The following NIPAL2 variants were observed in gnomAD, a reference collection of about 807,000 sequenced individuals.
NIPAL2 encodes NIPA like domain containing 2, also known as NIPA-like protein 2.
A neutral mutation model predicts 48.9 loss-of-function variants in NIPAL2; 43 were observed. That is an observed-to-expected ratio of 0.88 (90% confidence interval 0.69 to 1.13). NIPAL2 has a LOEUF of 1.13. Ranked by LOEUF, NIPAL2 falls within the 50% of genes most tolerant of loss-of-function variation. The probability of loss-of-function intolerance (pLI) is 0.00; values close to 1 mark genes in which losing one functional copy is unlikely to be tolerated. For missense variants in NIPAL2, 446 were observed against 461.4 expected (o/e 0.97, Z 0.31); for synonymous variants, 167 against 174.6 (o/e 0.96, Z 0.34).
At chr8:98,193,907 A>G (rs1257435464) in intron 10 of NIPAL2, among the ~76,000 whole-genome samples, 1 of 152,146 alleles carries the variant, frequency 6.6e-6, no homozygotes, top group African/African-American at 2.4e-5. Context: ...TCTTTCATTG[A>G]CTGCTCCCAG....
rs1198978075 is a variant in NIPAL2 at position 98,205,255 on chromosome 8, G to A, written c.656-9C>T. ...AATAACAGTCAATGAGGCTGAAAAA[G>A]AAAACAAAAAACACAAATAAAGAAC... On this transcript the variant is annotated splice_polypyrimidine_tract_variant and intron_variant, in intron 6 of 10. Transcript: ENST00000430223. 5 of 1,595,184 alleles carry A rather than the reference G, an allele frequency of 3.1e-6. No homozygotes were observed. In the Admixed American group the frequency reaches 5.5e-5, roughly 18 times the overall value.
intron 3 of NIPAL2, among the ~76,000 whole-genome samples, chr8:98,242,488 A>ATTTTTTGTTTTT (rs774556900): frequency 0.31 from 36,570 of 116,488 alleles, 7,082 homozygotes; most frequent in Non-Finnish European, 0.41. Flanking sequence ...CACCTGACAG[A>ATTTTTTGTTTTT]TTTTTTTTTT....
At chr8:98,199,029 T>C (rs867722560) in intron 8 of NIPAL2, among the ~76,000 whole-genome samples, 8 of 151,746 alleles carry the variant, frequency 5.3e-5, no homozygotes, top group Non-Finnish European at 8.8e-5. Flanking sequence ...CCATCTTGGC[T>C]CACTGCAACC....
intron 4 of NIPAL2, among the ~76,000 whole-genome samples, chr8:98,226,596 C>G (rs1203728194): frequency 6.6e-6 from 1 of 152,184 alleles, no homozygotes; most frequent in Non-Finnish European, 1.5e-5. Flanking sequence ...CTCTCTCTCT[C>G]TCCCTCTCTT....
At position 98,196,013 on chromosome 8, in the gene NIPAL2, A is replaced by C. The variant is rs200878292; in HGVS notation, c.881-8T>G. ...CCTGATAAAATATGATACCTGTAAC[A>C]CAGGAAAAGAAGACAAAATTGATTT... On this transcript the variant is annotated splice_polypyrimidine_tract_variant and splice_region_variant and intron_variant, in intron 8 of 10. Coordinates refer to ENST00000430223, the MANE Select transcript of NIPAL2 (RefSeq NM_001321635.2). 3.9e-6 allele frequency: 6 copies of C among 1,543,490 alleles called. No individual in the cohort carries two copies. Among genetic ancestry groups the C allele is most frequent in the Non-Finnish European group, 5.3e-6 (6 of 1,131,164 alleles).
chr8:98,261,703 T>A (rs1452494796), intron 1 of NIPAL2, among the ~76,000 whole-genome samples: 10 of 146,276 alleles, frequency 6.8e-5, no homozygotes, highest in African/African-American at 2.3e-4. Flanking sequence ...GAAAACACTC[T>A]GCAGGATATT....
chr8:98,191,540 C>G lies in NIPAL2; in HGVS notation c.*1438G>C, dbSNP rs1251456961. ...TATGACAAAGAACAAAGCTAAAAGACCTGAGCCATTAAGGTTACAGTCTCA... is the reference window on the plus strand; with the variant it reads ...TATGACAAAGAACAAAGCTAAAAGAGCTGAGCCATTAAGGTTACAGTCTCA... On this transcript the variant is annotated 3_prime_UTR_variant, in exon 11 of 11. Coordinates refer to ENST00000430223, the MANE Select transcript of NIPAL2 (RefSeq NM_001321635.2). The G allele has an allele frequency of 2.0e-5, 3 of 152,114 alleles. No homozygotes were observed. Among genetic ancestry groups the G allele is most frequent in the African/African-American group, 7.2e-5 (3 of 41,412 alleles). 9.4% of individuals were successfully genotyped at this position (152,114 alleles called of 1,614,324 possible). A position where few individuals can be genotyped will look rare whatever the true frequency, so the allele number is the denominator to read the frequency against.
chr8:98,236,166 G>A lies in NIPAL2; in HGVS notation c.425C>T (p.Ser142Leu), dbSNP rs1296223626. 6.3e-7 allele frequency: 1 copy of A among 1,599,258 alleles called. No homozygotes were observed. Among genetic ancestry groups the A allele is most frequent in the East Asian group, 2.3e-5 (1 of 44,218 alleles). The change falls in exon 4 of 11, where the codon TCA (serine) becomes TTA (leucine). Residue 142 changes from serine (S) to leucine (L), a missense_variant. By Grantham distance (145) the Ser-to-Leu change is moderately radical. Transcript: ENST00000430223. ...VTFLKDNLRA[S>L]DLLGTTLAFA... ...AAATAATTACTTACCGAGTAAGTCTGAGGCTCTCAAATTGTCTTTCAGAAA... is the reference window on the plus strand; with the variant it reads ...AAATAATTACTTACCGAGTAAGTCTAAGGCTCTCAAATTGTCTTTCAGAAA...
intron 4 of NIPAL2, among the ~76,000 whole-genome samples, chr8:98,226,620 C>G (rs1812187124): frequency 6.6e-6 from 1 of 152,198 alleles, no homozygotes; most frequent in Non-Finnish European, 1.5e-5. Context: ...CTCTCTCTCT[C>G]TCTGTCCTGA....
In NIPAL2 at chr8:98,192,826, C is replaced by T. The variant is rs145745876; in HGVS notation, c.*152G>A. On this transcript the variant is annotated 3_prime_UTR_variant, in exon 11 of 11. Coordinates refer to ENST00000430223, the MANE Select transcript of NIPAL2 (RefSeq NM_001321635.2). ...AGACTGTCAGAGCTTAGGAAGTCCCCGATTGTCCATAGACGCTGAGGTGGG... is the reference window on the plus strand; with the variant it reads ...AGACTGTCAGAGCTTAGGAAGTCCCTGATTGTCCATAGACGCTGAGGTGGG... 7.9e-5 allele frequency: 49 copies of T among 620,968 alleles called. No individual in the cohort carries two copies. The highest frequency in any genetic ancestry group is 7.7e-4 in the African/African-American group (42 of 54,536). 38.5% of individuals were successfully genotyped at this position (620,968 alleles called of 1,614,324 possible).
At chr8:98,238,324 G>T (rs1437682779) in intron 3 of NIPAL2, among the ~76,000 whole-genome samples, 1 of 152,188 alleles carries the variant, frequency 6.6e-6, no homozygotes, top group East Asian at 1.9e-4. Context: ...ATCCTGTAAA[G>T]AAAATTGCAG....
chr8:98,212,428 A>G lies in NIPAL2; in HGVS notation c.632T>C (p.Leu211Pro). The G allele has an allele frequency of 6.3e-7, 1 of 1,589,296 alleles. No individual in the cohort carries two copies. Among genetic ancestry groups the G allele is most frequent in the Non-Finnish European group, 8.6e-7 (1 of 1,158,102 alleles). The part of the protein sequence containing the change: ...KRKGMKHMVI[L>P]LTLVAILASL... ...ACCTAGAATTGCCACCAGGGTTAGC[A>G]GAATCACCATATGCTTCATTCCTTT... The change falls in exon 6 of 11, where the codon CTG becomes CCG. Residue 211 changes from leucine (L) to proline (P), a missense_variant. Leu to Pro is a moderately conservative substitution (Grantham distance 98, BLOSUM62 -3). Coordinates refer to ENST00000430223, the MANE Select transcript of NIPAL2 (RefSeq NM_001321635.2).
intron 1 of NIPAL2, among the ~76,000 whole-genome samples, chr8:98,288,785 G>T (rs1816336603): frequency 6.6e-6 from 1 of 152,184 alleles, no homozygotes; most frequent in Non-Finnish European, 1.5e-5. Flanking sequence ...CAACTGTGAA[G>T]ATAATTATTT....
chr8:98,242,488 A>ATTTTTTGTTTTTTTG (rs774556900), intron 3 of NIPAL2, among the ~76,000 whole-genome samples: 2 of 117,768 alleles, frequency 1.7e-5, no homozygotes, highest in African/African-American at 3.3e-5. Context: ...CACCTGACAG[A>ATTTTTTGTTTTTTTG]TTTTTTTTTT....
intron 1 of NIPAL2, among the ~76,000 whole-genome samples, chr8:98,287,017 T>C (rs752373848): frequency 1.2e-4 from 18 of 151,942 alleles, no homozygotes; most frequent in Non-Finnish European, 2.4e-4. Flanking sequence ...TTTGACTTTA[T>C]GTAAAATGTA....
intron 5 of NIPAL2, among the ~76,000 whole-genome samples, chr8:98,217,529 G>T (rs982387730): frequency 6.6e-6 from 1 of 152,140 alleles, no homozygotes; most frequent in African/African-American, 2.4e-5. Flanking sequence ...TGCAGCCAGG[G>T]CTTGCAGAAA....
intron 5 of NIPAL2, among the ~76,000 whole-genome samples, chr8:98,216,696 T>C (rs1038799022): frequency 3.9e-4 from 59 of 152,250 alleles, no homozygotes; most frequent in African/African-American, 1.3e-3. Context: ...AATGTGCAGA[T>C]TATTTTGTGA....
chr8:98,272,232 G>C (rs1404755258), intron 1 of NIPAL2, among the ~76,000 whole-genome samples: 1 of 152,144 alleles, frequency 6.6e-6, no homozygotes, highest in African/African-American at 2.4e-5. Context: ...CTTCCTTCCA[G>C]GACCTCATGA....
intron 1 of NIPAL2, among the ~76,000 whole-genome samples, chr8:98,289,843 A>G (rs557457432): frequency 2.6e-5 from 4 of 152,322 alleles, no homozygotes; most frequent in Non-Finnish European, 5.9e-5. Context: ...GTTTTGCACT[A>G]TTCTTTCTTT....
Sources: gnomAD v4.1 joint callset for allele counts (sites outside exome capture counted in the v4.1 genomes callset) on GRCh38, gnomAD v4.1.1 for gene constraint, MANE v1.5 for transcripts, NCBI Gene and HGNC (gene_info 2026-07-23, HGNC 2026-07-21) for gene names.